The following MAML2 variants were observed in gnomAD, a reference collection of about 807,000 sequenced individuals.
MAML2 encodes mastermind-like protein 2.
Under a neutral mutation model 96.1 loss-of-function variants are expected in MAML2, and 22 were observed. The observed-to-expected ratio is 0.23, with a 90% CI of 0.16 to 0.33. The LOEUF (loss-of-function observed/expected upper bound fraction) is 0.33. Among genes scored for constraint, MAML2 ranks in the 10% least tolerant of loss-of-function variants. The pLI is 1.00. For missense variants in MAML2, 1,367 were observed against 1,392.4 expected (o/e 0.98, Z 0.29); for synonymous variants, 561 against 521.3 (o/e 1.08, Z -1.04).
chr11:96,326,766 GTAAA>G (rs368014331), intron 1 of MAML2, among the ~76,000 whole-genome samples: 14 of 151,380 alleles, frequency 9.2e-5, no homozygotes, highest in East Asian at 1.9e-4. Context: ...GTCTGTCAAA[GTAAA>G]TAAATAAATA....
intron 2 of MAML2, among the ~76,000 whole-genome samples, chr11:96,032,608 T>G (rs779228554): frequency 8.0e-4 from 109 of 136,160 alleles, no homozygotes; most frequent in Admixed American, 4.4e-3. Flanking sequence ...AAAAAAAAAG[T>G]TATGTTTCCA....
In MAML2 at chr11:96,166,150, G is replaced by GTC. The variant is rs1491027512; in HGVS notation, c.514-72635_514-72634dup. Among the ~76,000 whole-genome samples, 3 of 59,466 alleles carry GTC rather than the reference G, an allele frequency of 5.0e-5. No homozygotes were observed. The East Asian group carries it at 9.2e-4, about 18-fold the overall frequency. The allele number at this position is 59,466 out of a possible 152,430, so 39.0% of individuals were successfully genotyped here. On this transcript the variant is annotated intron_variant, in intron 1 of 4. Coordinates refer to ENST00000524717, the MANE Select transcript of MAML2 (RefSeq NM_032427.4). ...TCTCTTTCTCTGTCTCTCTCTCTCT[G>GTC]TCTGTCTCTCTCTCTCTCTCTCTCT... is the stretch of plus-strand genomic sequence containing the variant.
At chr11:96,093,885 A>G (rs1859782440) in intron 1 of MAML2, among the ~76,000 whole-genome samples, 1 of 152,242 alleles carries the variant, frequency 6.6e-6, no homozygotes, top group Admixed American at 6.5e-5. Context: ...TTCCACATGC[A>G]TGCACACACA....
At chr11:96,221,761 G>T (rs1053395905) in intron 1 of MAML2, among the ~76,000 whole-genome samples, 4 of 143,304 alleles carry the variant, frequency 2.8e-5, no homozygotes, top group African/African-American at 1.0e-4. Context: ...AGCTCTCAGA[G>T]TACTTCAGTG....
chr11:96,244,169 T>C (rs1249839940), intron 1 of MAML2, among the ~76,000 whole-genome samples: 1 of 152,234 alleles, frequency 6.6e-6, no homozygotes, highest in Non-Finnish European at 1.5e-5. Context: ...TTTTGAAATA[T>C]TATTACCCCT....
intron 1 of MAML2, among the ~76,000 whole-genome samples, chr11:96,217,640 G>T (rs1462072703): frequency 6.6e-6 from 1 of 152,226 alleles, no homozygotes; most frequent in Non-Finnish European, 1.5e-5. Context: ...TGTAGGAGTA[G>T]GTGAAGGTGA....
At chr11:96,286,393 G>A (rs1863140307) in intron 1 of MAML2, among the ~76,000 whole-genome samples, 1 of 152,122 alleles carries the variant, frequency 6.6e-6, no homozygotes, top group Non-Finnish European at 1.5e-5. Context: ...CCTAGGTGGT[G>A]GGTTGATCTG....
intron 2 of MAML2, among the ~76,000 whole-genome samples, chr11:96,035,528 T>TAA (rs1370289793): frequency 6.6e-6 from 1 of 152,152 alleles, no homozygotes; most frequent in East Asian, 1.9e-4. Context: ...AGTATCGTGG[T>TAA]AACCCAAAGT....
chr11:95,995,947 A>G (rs1328371436), intron 2 of MAML2, among the ~76,000 whole-genome samples: 1 of 152,196 alleles, frequency 6.6e-6, no homozygotes, highest in East Asian at 1.9e-4. Flanking sequence ...AATCATTTCC[A>G]TTAGGTGGTA....
At chr11:96,040,583 A>G (rs1275992928) in intron 2 of MAML2, among the ~76,000 whole-genome samples, 2 of 152,174 alleles carry the variant, frequency 1.3e-5, no homozygotes, top group Non-Finnish European at 2.9e-5. Flanking sequence ...CCTGACCAAC[A>G]TGGTGAAACC....
intron 2 of MAML2, among the ~76,000 whole-genome samples, chr11:96,087,416 A>G (rs559829017): frequency 4.6e-5 from 7 of 152,310 alleles, no homozygotes; most frequent in Admixed American, 3.3e-4. Flanking sequence ...ATGTAAACAT[A>G]ATGCTCCTGG....
At chr11:96,155,597 C>G (rs1160748004) in intron 1 of MAML2, among the ~76,000 whole-genome samples, 1 of 140,318 alleles carries the variant, frequency 7.1e-6, no homozygotes, top group South Asian at 2.3e-4. Flanking sequence ...CAATGTTTAG[C>G]TGTTATTCTC....
chr11:96,297,442 G>T (rs578446), intron 1 of MAML2, among the ~76,000 whole-genome samples: 65,683 of 151,562 alleles, frequency 0.43, 14,573 homozygotes, highest in East Asian at 0.57. Context: ...GGGTGTGGTG[G>T]TGCATGCCTG....
intron 2 of MAML2, among the ~76,000 whole-genome samples, chr11:96,026,395 G>T (rs915432963): frequency 1.3e-4 from 20 of 152,172 alleles, no homozygotes; most frequent in Admixed American, 1.2e-3. Flanking sequence ...AGAGATAATA[G>T]TTGGGTTTGA....
rs1187415412 is a variant in MAML2 at position 96,240,513 on chromosome 11, T to C, written c.513+100870A>G. ...TTGCAGTGAGCCGAGATTGCGCCAC[T>C]GCAGTCCGCAGTCCGGCCTGGGCGA... On this transcript the variant is annotated intron_variant, in intron 1 of 4. Coordinates refer to ENST00000524717, the MANE Select transcript of MAML2 (RefSeq NM_032427.4). Among the ~76,000 whole-genome samples, 3 of 122,224 alleles carry C rather than the reference T, an allele frequency of 2.5e-5. No individual in the cohort carries two copies. The East Asian group carries it at 7.8e-4, about 32-fold the overall frequency. 80.2% of individuals were successfully genotyped at this position (122,224 alleles called of 152,430 possible). A position where few individuals can be genotyped will look rare whatever the true frequency, so the allele number is the denominator to read the frequency against.
intron 2 of MAML2, among the ~76,000 whole-genome samples, chr11:96,032,058 T>C (rs901593832): frequency 6.6e-6 from 1 of 152,104 alleles, no homozygotes; most frequent in Non-Finnish European, 1.5e-5. Flanking sequence ...GATGGGGAGA[T>C]GCTATCTCTT....
chr11:96,245,598 G>A (rs1298143134), intron 1 of MAML2, among the ~76,000 whole-genome samples: 1 of 151,956 alleles, frequency 6.6e-6, no homozygotes, highest in East Asian at 1.9e-4. Flanking sequence ...GGTTTCATCT[G>A]AAATGCACCA....
intron 2 of MAML2, among the ~76,000 whole-genome samples, chr11:96,058,345 A>G (rs139144982): frequency 0.013 from 2,037 of 152,160 alleles, 45 homozygotes; most frequent in African/African-American, 0.046. Context: ...TTTGAGATGG[A>G]GTCGCACCCC....
chr11:96,265,814 G>A (rs1862818025), intron 1 of MAML2, among the ~76,000 whole-genome samples: 1 of 152,142 alleles, frequency 6.6e-6, no homozygotes, highest in African/African-American at 2.4e-5. Flanking sequence ...CCCAACTTAT[G>A]GGGAAAATCA....
Sources: gnomAD v4.1 joint callset for allele counts (sites outside exome capture counted in the v4.1 genomes callset) on GRCh38, gnomAD v4.1.1 for gene constraint, MANE v1.5 for transcripts, NCBI Gene and HGNC (gene_info 2026-07-23, HGNC 2026-07-21) for gene names.